The following LRMDA variants were observed in gnomAD, a reference collection of about 807,000 sequenced individuals.
LRMDA encodes the protein leucine-rich melanocyte differentiation-associated protein.
Under a neutral mutation model 29.8 loss-of-function variants are expected in LRMDA, and 18 were observed. The observed-to-expected ratio is 0.60, with a 90% CI of 0.42 to 0.90. The LOEUF (loss-of-function observed/expected upper bound fraction) is 0.90, where lower values mean the gene tolerates loss of function less well. Ranked by LOEUF, LRMDA falls within the 40% of genes least tolerant of loss-of-function variation. The probability of loss-of-function intolerance (pLI) is 0.00; values close to 1 mark genes in which losing one functional copy is unlikely to be tolerated. For missense variants in LRMDA, 273 were observed against 273.9 expected (o/e 1.00, Z 0.02); for synonymous variants, 125 against 109.4 (o/e 1.14, Z -0.89).
At chr10:75,809,076 A>G (rs112633648) in intron 2 of LRMDA, among the ~76,000 whole-genome samples, 3,140 of 152,040 alleles carry the variant, frequency 0.021, 91 homozygotes, top group African/African-American at 0.067. Flanking sequence ...GCTGCTGCCC[A>G]TCCTCTGGGG....
chr10:75,689,245 C>T (rs948433002), intron 2 of LRMDA, among the ~76,000 whole-genome samples: 3 of 152,210 alleles, frequency 2.0e-5, no homozygotes, highest in African/African-American at 2.4e-5. Context: ...AACGGCACAT[C>T]GGATCCTAAC....
chr10:75,805,805 T>C (rs1408582569), intron 2 of LRMDA, among the ~76,000 whole-genome samples: 1 of 152,196 alleles, frequency 6.6e-6, no homozygotes, highest in Non-Finnish European at 1.5e-5. Context: ...GTTTTCATCA[T>C]TGGGATTTTT....
At chr10:76,546,442 AG>A (rs1843422135) in intron 6 of LRMDA, among the ~76,000 whole-genome samples, 1 of 152,216 alleles carries the variant, frequency 6.6e-6, no homozygotes, top group South Asian at 2.1e-4. Flanking sequence ...AAATTCAAAA[AG>A]GTTTCTAGCT....
At chr10:76,165,193 G>T (rs977706148) in intron 5 of LRMDA, among the ~76,000 whole-genome samples, 1 of 151,476 alleles carries the variant, frequency 6.6e-6, no homozygotes, top group African/African-American at 2.4e-5. Flanking sequence ...GGCTGGTCTC[G>T]AACTCTTGAC....
chr10:75,708,986 C>G (rs1417393014), intron 2 of LRMDA, among the ~76,000 whole-genome samples: 1 of 152,174 alleles, frequency 6.6e-6, no homozygotes, highest in South Asian at 2.1e-4. Flanking sequence ...GTTGCTGCCT[C>G]TTTTTTCCTG....
rs185118984 is a variant in LRMDA at position 75,956,746 on chromosome 10, G to A, written c.132-79262G>A. On this transcript the variant is annotated intron_variant, in intron 2 of 6. Coordinates refer to ENST00000611255, the MANE Select transcript of LRMDA (RefSeq NM_001305581.2). ...TTTGTGCTGTATTTCATGGGAAGAA[G>A]GGAGGCAGCATGAAGCACAGCCAGC... Among the ~76,000 whole-genome samples the A allele has an allele frequency of 3.4e-3, 513 of 152,310 alleles. 1 individual carries two copies. The highest frequency in any genetic ancestry group is 0.014 in the Middle Eastern group (4 of 294).
chr10:76,068,794 C>T (rs1449737855), intron 5 of LRMDA, among the ~76,000 whole-genome samples: 1 of 152,172 alleles, frequency 6.6e-6, no homozygotes, highest in African/African-American at 2.4e-5. Flanking sequence ...CTGATATGTA[C>T]TTTCAGGGTA....
intron 5 of LRMDA, among the ~76,000 whole-genome samples, chr10:76,231,443 A>T (rs1359223291): frequency 1.3e-5 from 2 of 152,202 alleles, no homozygotes; most frequent in Non-Finnish European, 2.9e-5. Flanking sequence ...CTTAATACAC[A>T]AGTGTGGAGA....
chr10:75,925,299 T>G (rs561407506), intron 2 of LRMDA, among the ~76,000 whole-genome samples: 16 of 152,322 alleles, frequency 1.1e-4, no homozygotes, highest in Admixed American at 5.9e-4. Flanking sequence ...TTGGTCATCT[T>G]GCAGGGGCCT....
intron 5 of LRMDA, among the ~76,000 whole-genome samples, chr10:76,156,655 G>T (rs7477264): frequency 0.013 from 1,946 of 152,256 alleles, 33 homozygotes; most frequent in African/African-American, 0.045. Context: ...TATTAGAGGA[G>T]TATTATGGGC....
intron 2 of LRMDA, among the ~76,000 whole-genome samples, chr10:75,755,897 G>T (rs1027543358): frequency 6.6e-6 from 1 of 152,210 alleles, no homozygotes; most frequent in Non-Finnish European, 1.5e-5. Flanking sequence ...GCAGTGGGAA[G>T]CTTTGGAGGG....
chr10:75,507,110 CTT>C (rs147220513), intron 2 of LRMDA, among the ~76,000 whole-genome samples: 2 of 144,340 alleles, frequency 1.4e-5, no homozygotes, highest in Non-Finnish European at 1.5e-5. Context: ...GTTCTGGCAT[CTT>C]TTTTTTTTTT....
chr10:75,683,639 C>T (rs562566293), intron 2 of LRMDA, among the ~76,000 whole-genome samples: 24 of 152,168 alleles, frequency 1.6e-4, no homozygotes, highest in Non-Finnish European at 3.2e-4. Context: ...AGGTGGTGTT[C>T]ATTTCCTTTC....
At chr10:76,526,190 A>G (rs1419112187) in intron 6 of LRMDA, among the ~76,000 whole-genome samples, 1 of 152,234 alleles carries the variant, frequency 6.6e-6, no homozygotes, top group Non-Finnish European at 1.5e-5. Context: ...GTGTTCAGCA[A>G]CAGAAATCTA....
Position 75,658,001 on chromosome 10 carries a change from C to T in LRMDA, c.131+219507C>T, listed in dbSNP as rs149818972. Among the ~76,000 whole-genome samples the T allele has an allele frequency of 2.4e-3, 359 of 152,160 alleles. 2 individuals carry two copies. Among genetic ancestry groups the T allele is most frequent in the African/African-American group, 8.3e-3 (344 of 41,516 alleles). The stretch of plus-strand genomic sequence containing the variant: ...CTGGGAATGTGGACCCTGCTGGATG[C>T]GGGCATTTCCTTTCCTCCCCTTCTC... On this transcript the variant is annotated intron_variant, in intron 2 of 6. Coordinates refer to ENST00000611255, the MANE Select transcript of LRMDA (RefSeq NM_001305581.2).
intron 6 of LRMDA, among the ~76,000 whole-genome samples, chr10:76,368,698 G>A (rs1366087876): frequency 1.3e-5 from 2 of 152,174 alleles, no homozygotes; most frequent in African/African-American, 4.8e-5. Flanking sequence ...TGTCAGTGGA[G>A]TATTGAAGTC....
chr10:75,707,264 G>A (rs2132174182), intron 2 of LRMDA, among the ~76,000 whole-genome samples: 1 of 152,328 alleles, frequency 6.6e-6, no homozygotes, highest in South Asian at 2.1e-4. Flanking sequence ...GGGGAGAAAA[G>A]AGAATGGCCT....
At chr10:75,485,159 T>C (rs1844896192) in intron 2 of LRMDA, among the ~76,000 whole-genome samples, 1 of 152,218 alleles carries the variant, frequency 6.6e-6, no homozygotes, top group Non-Finnish European at 1.5e-5. Context: ...TAGTATTTTC[T>C]GGACTTAGTT....
chr10:76,483,724 TA>T (rs755947041), intron 6 of LRMDA, among the ~76,000 whole-genome samples: 1,966 of 128,346 alleles, frequency 0.015, 14 homozygotes, highest in Non-Finnish European at 0.017. Context: ...AAGAAACCAT[TA>T]AAAAAAAAAA....
Sources: gnomAD v4.1 joint callset for allele counts (sites outside exome capture counted in the v4.1 genomes callset) on GRCh38, gnomAD v4.1.1 for gene constraint, MANE v1.5 for transcripts, NCBI Gene and HGNC (gene_info 2026-07-23, HGNC 2026-07-21) for gene names.